TMEM117: variants seen among roughly 807,000 people sequenced by gnomAD.
TMEM117 encodes transmembrane protein 117.
A neutral mutation model predicts 52.4 loss-of-function variants in TMEM117; 27 were observed. The ratio of observed to expected loss-of-function variants is 0.51; its 90% CI spans 0.38 to 0.71. The LOEUF (loss-of-function observed/expected upper bound fraction) is 0.71, where lower values mean the gene tolerates loss of function less well. Among genes scored for constraint, TMEM117 ranks in the 30% least tolerant of loss-of-function variants. The pLI is 0.00. For synonymous variants in TMEM117, 215 were observed against 206.3 expected (o/e 1.04, Z -0.36); for missense variants, 556 against 630.5 (o/e 0.88, Z 1.26).
intron 4 of TMEM117, among the ~76,000 whole-genome samples, chr12:44,204,566 G>A (rs758269505): frequency 6.6e-5 from 10 of 151,904 alleles, no homozygotes; most frequent in South Asian, 2.1e-4. Context: ...TCTAAAATTC[G>A]TATGGAACAG....
intron 3 of TMEM117, among the ~76,000 whole-genome samples, chr12:44,126,819 T>A (rs563422977): frequency 2.0e-5 from 3 of 152,366 alleles, no homozygotes; most frequent in African/African-American, 4.8e-5. Context: ...GTAATTTACC[T>A]GTTATCTGCA....
At chr12:43,917,480 ACCCT>A (rs775275698) in intron 2 of TMEM117, among the ~76,000 whole-genome samples, 15 of 152,252 alleles carry the variant, frequency 9.9e-5, no homozygotes, top group Middle Eastern at 3.4e-3. Flanking sequence ...TACTATTATT[ACCCT>A]CATTTTACAT....
At chr12:44,341,132 T>G (rs1238190715) in intron 6 of TMEM117, among the ~76,000 whole-genome samples, 1 of 152,024 alleles carries the variant, frequency 6.6e-6, no homozygotes, top group Non-Finnish European at 1.5e-5. Flanking sequence ...CCCAAGTAAC[T>G]GGGACTACAG....
chr12:43,825,798 GAATT>G, the TMEM117 span, among the ~76,000 whole-genome samples: 1 of 152,110 alleles, frequency 6.6e-6, no homozygotes, highest in Non-Finnish European at 1.5e-5. Context: ...TAGGGTTCTG[GAATT>G]TGTTTGTTAA....
intron 3 of TMEM117, among the ~76,000 whole-genome samples, chr12:44,143,204 A>T (rs1171726356): frequency 6.6e-6 from 1 of 152,200 alleles, no homozygotes; most frequent in African/African-American, 2.4e-5. Flanking sequence ...TGCTCTGCTC[A>T]TACTTGAGTG....
At chr12:43,891,925 T>C (rs921181924) in intron 2 of TMEM117, among the ~76,000 whole-genome samples, 1 of 151,802 alleles carries the variant, frequency 6.6e-6, no homozygotes, top group Non-Finnish European at 1.5e-5. Flanking sequence ...AAAAAATCCA[T>C]TTTTTTTGCC....
chr12:43,802,030 A>G, the TMEM117 span, among the ~76,000 whole-genome samples: 1 of 152,130 alleles, frequency 6.6e-6, no homozygotes, highest in African/African-American at 2.4e-5. Context: ...ATTCTGCCTT[A>G]AAAAAGAAAG....
At chr12:43,846,809 A>G (rs1158076098) in intron 2 of TMEM117, among the ~76,000 whole-genome samples, 1 of 152,248 alleles carries the variant, frequency 6.6e-6, no homozygotes, top group Non-Finnish European at 1.5e-5. Flanking sequence ...GTTAGAAACC[A>G]TGGCAATGTT....
chr12:43,829,342 G>A, the TMEM117 span, among the ~76,000 whole-genome samples: 2 of 152,134 alleles, frequency 1.3e-5, no homozygotes, highest in African/African-American at 4.8e-5. Flanking sequence ...TCTATTGTCT[G>A]CTCATTTAGA....
At chr12:44,316,002 G>C (rs1283430225) in intron 6 of TMEM117, among the ~76,000 whole-genome samples, 1 of 152,116 alleles carries the variant, frequency 6.6e-6, no homozygotes, top group Non-Finnish European at 1.5e-5. Flanking sequence ...GAAGACAGGA[G>C]ACAGACTTTT....
chr12:44,163,091 A>G (rs1948919311), intron 4 of TMEM117, among the ~76,000 whole-genome samples: 2 of 152,218 alleles, frequency 1.3e-5, no homozygotes, highest in Non-Finnish European at 2.9e-5. Flanking sequence ...GAGCTAGAAA[A>G]CTTTAGAGAT....
In TMEM117 at chr12:44,306,845, G is replaced by A. The variant is rs142385868; in HGVS notation, c.768+7106G>A. ...ATTTTCACTGAAGTATGATCTTACA[G>A]TAATTAACTATCTAAATATAAATCT... is the stretch of plus-strand genomic sequence containing the variant. On this transcript the variant is annotated intron_variant, in intron 6 of 7. Coordinates refer to ENST00000266534, the MANE Select transcript of TMEM117 (RefSeq NM_032256.3). Among the ~76,000 whole-genome samples the A allele has an allele frequency of 2.1e-3, 314 of 152,284 alleles. 2 individuals carry two copies. Among genetic ancestry groups the A allele is most frequent in the African/African-American group, 7.0e-3 (290 of 41,536 alleles).
the TMEM117 span, chr12:43,799,319 T>C: frequency 1.1e-6 from 1 of 904,340 alleles, no homozygotes. Context: ...TCTCTAGTTA[T>C]CCTCCCACAT....
At chr12:44,069,065 A>G (rs1048520703) in intron 3 of TMEM117, among the ~76,000 whole-genome samples, 13 of 152,152 alleles carry the variant, frequency 8.5e-5, no homozygotes, top group Admixed American at 2.0e-4. Context: ...TTTATTCTTT[A>G]TGGTTTTTAG....
chr12:44,229,956 G>T (rs1177196489), intron 5 of TMEM117, among the ~76,000 whole-genome samples: 1 of 152,008 alleles, frequency 6.6e-6, no homozygotes, highest in Non-Finnish European at 1.5e-5. Context: ...AAATCCTCTT[G>T]TTCAGTTTTG....
chr12:44,102,514 C>T (rs1265103703), intron 3 of TMEM117, among the ~76,000 whole-genome samples: 4 of 151,802 alleles, frequency 2.6e-5, no homozygotes, highest in African/African-American at 9.7e-5. Flanking sequence ...TTCTCTTCAT[C>T]TCTGTAATAC....
intron 3 of TMEM117, among the ~76,000 whole-genome samples, chr12:44,003,362 C>T (rs568494970): frequency 1.2e-4 from 18 of 152,310 alleles, no homozygotes; most frequent in African/African-American, 4.3e-4. Flanking sequence ...CTCACATGCT[C>T]TTGTGCCTCA....
chr12:44,262,996 AT>A (rs1042349222), intron 5 of TMEM117, among the ~76,000 whole-genome samples: 3 of 152,128 alleles, frequency 2.0e-5, no homozygotes, highest in Non-Finnish European at 4.4e-5. Context: ...TCTGTGCTCT[AT>A]TTTTTATGCA....
rs189877640 is a variant in TMEM117, at chr12:44,215,359, G to A, written c.608+3972G>A. Among the ~76,000 whole-genome samples the A allele has an allele frequency of 8.5e-5, 13 of 152,292 alleles. No individual in the cohort carries two copies. In the East Asian group the frequency reaches 2.5e-3, roughly 29 times the overall value. ...GCAGTTGTGCAAAGATGAGGCTGCT[G>A]TAGCACCTGGGCTTTCATATTGCAA... On this transcript the variant is annotated intron_variant, in intron 5 of 7. Transcript: ENST00000266534.
Sources: gnomAD v4.1 joint callset for allele counts (sites outside exome capture counted in the v4.1 genomes callset) on GRCh38, gnomAD v4.1.1 for gene constraint, MANE v1.5 for transcripts, NCBI Gene and HGNC (gene_info 2026-07-23, HGNC 2026-07-21) for gene names.